The following NLGN1 variants were observed in gnomAD, a reference collection of about 807,000 sequenced individuals.
NLGN1 encodes neuroligin-1.
A neutral mutation model predicts 65.5 loss-of-function variants in NLGN1; 12 were observed. That is an observed-to-expected ratio of 0.18 (90% CI 0.12 to 0.30). The LOEUF is 0.30. Among genes scored for constraint, NLGN1 ranks in the 10% least tolerant of loss-of-function variants. NLGN1 has a pLI of 1.00. For missense variants in NLGN1, 750 were observed against 1,007.1 expected (o/e 0.74, Z 3.46); for synonymous variants, 350 against 359.5 (o/e 0.97, Z 0.30).
chr3:173,983,475 A>G (rs1301725360), intron 4 of NLGN1, among the ~76,000 whole-genome samples: 1 of 152,116 alleles, frequency 6.6e-6, no homozygotes, highest in Non-Finnish European at 1.5e-5. Context: ...AATCAGAGAC[A>G]TGTGTATCCT....
intron 3 of NLGN1, among the ~76,000 whole-genome samples, chr3:173,786,959 C>G (rs1782069648): frequency 6.6e-6 from 1 of 152,056 alleles, no homozygotes; most frequent in East Asian, 1.9e-4. Flanking sequence ...CACCTGTAAT[C>G]CCAGCTACTT....
At chr3:173,437,868 C>A (rs1281238983) in intron 2 of NLGN1, among the ~76,000 whole-genome samples, 1 of 152,030 alleles carries the variant, frequency 6.6e-6, no homozygotes, top group East Asian at 1.9e-4. Flanking sequence ...CCTTCCTGAT[C>A]CTGCCTTCCC....
At chr3:173,999,908 A>G (rs1579674417) in intron 4 of NLGN1, among the ~76,000 whole-genome samples, 1 of 152,314 alleles carries the variant, frequency 6.6e-6, no homozygotes, top group Non-Finnish European at 1.5e-5. Context: ...AATTTGCGTT[A>G]AACAATGTAG....
intron 4 of NLGN1, among the ~76,000 whole-genome samples, chr3:173,887,461 C>CA (rs970290474): frequency 2.0e-5 from 3 of 151,826 alleles, no homozygotes; most frequent in African/African-American, 7.2e-5. Context: ...TCTAAAACAT[C>CA]AAAAAAATTT....
At chr3:173,695,006 T>C (rs1766002716) in intron 3 of NLGN1, among the ~76,000 whole-genome samples, 1 of 152,118 alleles carries the variant, frequency 6.6e-6, no homozygotes, top group Non-Finnish European at 1.5e-5. Flanking sequence ...TTCCAGTAAT[T>C]GTATTGAGAC....
chr3:173,622,015 A>AT (rs1310819492), intron 3 of NLGN1, among the ~76,000 whole-genome samples: 1 of 152,050 alleles, frequency 6.6e-6, no homozygotes, highest in Non-Finnish European at 1.5e-5. Flanking sequence ...TCCTCCTTTC[A>AT]TTTTTTACCA....
At chr3:173,401,203 C>T (rs1717624028) in intron 1 of NLGN1, among the ~76,000 whole-genome samples, 1 of 152,016 alleles carries the variant, frequency 6.6e-6, no homozygotes, top group African/African-American at 2.4e-5. Flanking sequence ...TGGCCTCTAT[C>T]CACCAGATGC....
chr3:173,775,407 C>T (rs920655071), intron 3 of NLGN1, among the ~76,000 whole-genome samples: 2 of 152,042 alleles, frequency 1.3e-5, no homozygotes, highest in African/African-American at 4.8e-5. Context: ...GTTGAACAGA[C>T]CTGAATTTGA....
At chr3:173,633,416 G>T (rs1264777006) in intron 3 of NLGN1, among the ~76,000 whole-genome samples, 1 of 152,102 alleles carries the variant, frequency 6.6e-6, no homozygotes, top group Non-Finnish European at 1.5e-5. Flanking sequence ...AGTTTCACCT[G>T]TTGTGTGTTC....
At chr3:173,704,281 G>A (rs1054462973) in intron 3 of NLGN1, among the ~76,000 whole-genome samples, 4 of 152,118 alleles carry the variant, frequency 2.6e-5, no homozygotes, top group African/African-American at 9.7e-5. Flanking sequence ...AGTCTGTAAC[G>A]ATTCTCTTAA....
intron 2 of NLGN1, among the ~76,000 whole-genome samples, chr3:173,597,819 C>A (rs1329844469): frequency 6.6e-6 from 1 of 151,826 alleles, no homozygotes; most frequent in African/African-American, 2.4e-5. Context: ...CTGATGACTT[C>A]ATTGCATTAT....
At chr3:173,518,065 T>G (rs554027281) in intron 2 of NLGN1, among the ~76,000 whole-genome samples, 1 of 152,312 alleles carries the variant, frequency 6.6e-6, no homozygotes, top group South Asian at 2.1e-4. Flanking sequence ...TGAAAGGTTT[T>G]ACTAAGTTGT....
chr3:173,573,632 C>G (rs949298182), intron 2 of NLGN1, among the ~76,000 whole-genome samples: 1 of 150,584 alleles, frequency 6.6e-6, no homozygotes, highest in Non-Finnish European at 1.5e-5. Context: ...GACAGGCTTT[C>G]CTGAGATCTT....
intron 4 of NLGN1, among the ~76,000 whole-genome samples, chr3:173,846,015 A>G (rs1725727388): frequency 6.6e-6 from 1 of 152,040 alleles, no homozygotes; most frequent in Admixed American, 6.6e-5. Context: ...TCCTGGACTC[A>G]AGCAATCCTC....
intron 4 of NLGN1, among the ~76,000 whole-genome samples, chr3:174,026,837 G>A (rs1374509043): frequency 6.6e-6 from 1 of 152,092 alleles, no homozygotes; most frequent in Admixed American, 6.6e-5. Context: ...AAGCAAAGTT[G>A]CAAGAATTTC....
intron 4 of NLGN1, among the ~76,000 whole-genome samples, chr3:174,119,888 A>G (rs1717377728): frequency 6.6e-6 from 1 of 152,198 alleles, no homozygotes; most frequent in Non-Finnish European, 1.5e-5. Context: ...TAAAGACCAG[A>G]AAGTTCCTGT....
intron 1 of NLGN1, among the ~76,000 whole-genome samples, chr3:173,424,741 G>A (rs1225559191): frequency 6.6e-6 from 1 of 152,004 alleles, no homozygotes. Context: ...TTTTCATATC[G>A]CTATCAGCAT....
chr3:173,630,981 G>A (rs1465297205), intron 3 of NLGN1, among the ~76,000 whole-genome samples: 2 of 152,130 alleles, frequency 1.3e-5, no homozygotes, highest in Non-Finnish European at 2.9e-5. Context: ...TTCAAAGAAA[G>A]TCCCAAGAAG....
At chr3:173,906,480 C>T (rs1279634680) in intron 4 of NLGN1, among the ~76,000 whole-genome samples, 1 of 152,164 alleles carries the variant, frequency 6.6e-6, no homozygotes, top group Non-Finnish European at 1.5e-5. Context: ...GATATCACCC[C>T]TGCCCTGAAA....
Sources: gnomAD v4.1 joint callset for allele counts (sites outside exome capture counted in the v4.1 genomes callset) on GRCh38, gnomAD v4.1.1 for gene constraint, MANE v1.5 for transcripts, NCBI Gene and HGNC (gene_info 2026-07-23, HGNC 2026-07-21) for gene names.